Variants in HERC5 observed in about 807,000 individuals in gnomAD.
The protein encoded by HERC5 is HECT and RLD domain containing E3 ubiquitin protein ligase 5, also known as E3 ISG15--protein ligase HERC5.
In HERC5, 99 loss-of-function variants were observed where a neutral mutation model predicts 119.6. The observed-to-expected ratio is 0.83, with a 90% CI of 0.70 to 0.98. The LOEUF is 0.98. HERC5 is among the 50% of genes least tolerant of loss of function. HERC5 has a pLI of 0.00. For missense variants in HERC5, 1,267 were observed against 1,241.3 expected, an observed-to-expected ratio of 1.02 and a Z score of -0.31; for synonymous variants, 478 against 445.9, an observed-to-expected ratio of 1.07 and a Z score of -0.91.
At position 88,504,267 on chromosome 4, in the gene HERC5, TCAA is replaced by T; in HGVS notation, c.2620_2622del (p.Asn874del). ...GTTTCTAAGTATATCAATTACATTT[TCAA>T]CGACTCTGTAAAGGCGGTTTATGAA... On this transcript the variant is annotated inframe_deletion, in exon 21 of 23. Coordinates refer to ENST00000264350, the MANE Select transcript of HERC5 (RefSeq NM_016323.4). The T allele has an allele frequency of 1.2e-6, 2 of 1,604,786 alleles. No individual in the cohort carries two copies. Among genetic ancestry groups the T allele is most frequent in the Non-Finnish European group, 1.7e-6 (2 of 1,172,970 alleles).
chr4:88,486,093 C>G, intron 13 of HERC5, 22 bp from the exon 14 acceptor site: 1 of 1,476,186 alleles, frequency 6.8e-7, no homozygotes, highest in Non-Finnish European at 9.3e-7. Flanking sequence ...AAAACTTTTT[C>G]ACAAGTCATA....
At position 88,504,502 on chromosome 4, in the gene HERC5, G is replaced by A. The variant is rs747644216; in HGVS notation, c.2774G>A (p.Arg925His). Residue 925 changes from arginine to histidine, a missense_variant, in exon 22 of 23, where the codon CGT becomes CAT. Coordinates refer to ENST00000264350, the MANE Select transcript of HERC5 (RefSeq NM_016323.4). ...YDWKTFEKNA[R>H]YEPGYNSSHP... The stretch of plus-strand genomic sequence containing the variant: ...TTTTTGTATTTTCTCTAGAATGCAC[G>A]TTATGAACCAGGATATAACAGTTCA... 7.6e-6 allele frequency: 12 copies of A among 1,574,700 alleles called. No homozygotes were observed. Among genetic ancestry groups the A allele is most frequent in the Admixed American group, 1.9e-5 (1 of 53,364 alleles).
At chr4:88,460,307 C>A in intron 3 of HERC5, 136 bp downstream of exon 3, 1 of 461,472 alleles carries the variant, frequency 2.2e-6, no homozygotes. Flanking sequence ...GAGTACGATT[C>A]TTAAAGTAAA....
At chr4:88,466,003 A>G (rs1378140118) in intron 6 of HERC5, among the ~76,000 whole-genome samples, 1 of 151,920 alleles carries the variant, frequency 6.6e-6, no homozygotes, top group Non-Finnish European at 1.5e-5. Flanking sequence ...TTTTGGAGAC[A>G]GGGTACAGGA....
intron 22 of HERC5, among the ~76,000 whole-genome samples, chr4:88,505,206 C>A (rs1396449225): frequency 1.3e-5 from 2 of 152,218 alleles, no homozygotes; most frequent in African/African-American, 4.8e-5. Context: ...CTTCCCACCT[C>A]CAGGCCTTTC....
intron 20 of HERC5, among the ~76,000 whole-genome samples, chr4:88,503,456 G>T (rs568224922): frequency 5.3e-5 from 8 of 152,138 alleles, no homozygotes; most frequent in African/African-American, 1.9e-4. Flanking sequence ...TTTTTTGTCT[G>T]CTTTTCTGTT....
chr4:88,504,534 A>C lies in HERC5; in HGVS notation c.2806A>C (p.Thr936Pro). 6.3e-7 allele frequency: 1 copy of C among 1,577,956 alleles called. No homozygotes were observed. Among genetic ancestry groups the C allele is most frequent in the Non-Finnish European group, 8.6e-7 (1 of 1,165,802 alleles). Residue 936 changes from threonine to proline, a missense_variant, in exon 22 of 23, where the codon ACC (threonine) becomes CCC (proline). Thr to Pro is a conservative substitution (Grantham distance 38). This residue lies in a region of HERC5 where 473 missense variants were observed against 445.7 expected (regional missense o/e 1.06). Coordinates refer to ENST00000264350, the MANE Select transcript of HERC5 (RefSeq NM_016323.4). Reference sequence around the variant, plus strand: ...ACCAGGATATAACAGTTCACATCCCACCATAGTGATGTTTTGGAAGGCTTT... The same window carrying C: ...ACCAGGATATAACAGTTCACATCCCCCCATAGTGATGTTTTGGAAGGCTTT... Reference protein sequence around the residue: ...YEPGYNSSHPTIVMFWKAFHK... With the variant: ...YEPGYNSSHPPIVMFWKAFHK...
At chr4:88,481,313 A>G (rs917838449) in intron 13 of HERC5, among the ~76,000 whole-genome samples, 4 of 152,194 alleles carry the variant, frequency 2.6e-5, no homozygotes, top group Non-Finnish European at 5.9e-5. Flanking sequence ...TCAGTCTCCC[A>G]AAGTCCTGGT....
rs749754680 is a variant in HERC5 at position 88,493,155 on chromosome 4, G to A, written c.2277G>A (p.Lys759=). Residue 759 remains lysine, a splice_region_variant and synonymous_variant, in exon 17 of 23, where the codon AAG becomes AAA. Coordinates refer to ENST00000264350, the MANE Select transcript of HERC5 (RefSeq NM_016323.4). ...EGASCMWFPV[K]PKFEKKRYFF... ...CTTCCTGCATGTGGTTTCCTGTCAA[G>A]GTAAGTTCCCTCTTCTTTGCTTAAG... 4.3e-6 allele frequency: 7 copies of A among 1,613,410 alleles called. No individual in the cohort carries two copies. The Admixed American group carries it at 8.3e-5, about 19-fold the overall frequency.
At position 88,504,355 on chromosome 4, in the gene HERC5, C is replaced by G; in HGVS notation, c.2706C>G (p.Pro902=). 6.2e-7 allele frequency: 1 copy of G among 1,611,614 alleles called. No homozygotes were observed. Residue 902 remains proline, a synonymous_variant, in exon 21 of 23, where the codon CCC becomes CCG. Coordinates refer to ENST00000264350, the MANE Select transcript of HERC5 (RefSeq NM_016323.4). ...CDEDIIKLFH[P]EELKDVIVGN... ...AAGACATTATCAAATTATTCCACCC[C>G]GAAGAACTGAAGGATGTGATTGTTG...
At position 88,457,506 on chromosome 4, in the gene HERC5, C is replaced by G; in HGVS notation, c.237C>G (p.Leu79=). 3 of 1,288,974 alleles carry G rather than the reference C, an allele frequency of 2.3e-6. No individual in the cohort carries two copies. The highest frequency in any genetic ancestry group is 2.9e-6 in the Non-Finnish European group (3 of 1,018,516). The allele number at this position is 1,288,974 out of a possible 1,614,324, so 79.8% of individuals were successfully genotyped here. A position where few individuals can be genotyped will look rare whatever the true frequency, so the allele number is the denominator to read the frequency against. The change falls in exon 1 of 23, where the codon CTC becomes CTG. Residue 79 remains leucine (L), a synonymous_variant. Transcript: ENST00000264350. ...CGGGCGTCCAGGTTCACCAGCTGCT[C>G]GCCGGGAGCGGCGGCGCCCGGACGC... The part of the protein sequence containing the change: ...GGAGVQVHQL[L]AGSGGARTPK...
intron 4 of HERC5, 136 bp downstream of exon 4, chr4:88,462,492 G>A: frequency 4.1e-6 from 3 of 724,930 alleles, no homozygotes; most frequent in Non-Finnish European, 7.0e-6. Context: ...TCTGTCTTCA[G>A]GGCAGAATCA....
chr4:88,475,108 G>A (rs1015310738), intron 11 of HERC5, among the ~76,000 whole-genome samples: 3 of 149,086 alleles, frequency 2.0e-5, no homozygotes, highest in Non-Finnish European at 3.0e-5. Context: ...TGAAATTTTC[G>A]GATTTTGTCT....
At chr4:88,479,028 A>G (rs191116465) in intron 12 of HERC5, among the ~76,000 whole-genome samples, 21 of 152,160 alleles carry the variant, frequency 1.4e-4, no homozygotes, top group African/African-American at 4.8e-4. Flanking sequence ...GCTCATGCCT[A>G]CAATCCCAGC....
At chr4:88,478,346 C>A (rs1011259613) in intron 12 of HERC5, among the ~76,000 whole-genome samples, 1 of 152,062 alleles carries the variant, frequency 6.6e-6, no homozygotes, top group African/African-American at 2.4e-5. Context: ...CTTCAACAAT[C>A]TAAGTAAAAT....
Position 88,494,295 on chromosome 4 carries a change from T to C in HERC5, c.2408T>C (p.Leu803Ser). ...AAACTTTTGGACCAAATGCCATCAT[T>C]GGAAGACTTGAAAGAACTCAGTCCT... is the stretch of plus-strand genomic sequence containing the variant. ...FKKLLDQMPS[L>S]EDLKELSPDL... The change falls in exon 18 of 23, where the codon TTG becomes TCG. Residue 803 changes from leucine (L) to serine (S), a missense_variant. Physicochemically the swap from Leu to Ser is moderately radical, Grantham distance 145. This residue lies in a region of HERC5 where 473 missense variants were observed against 445.7 expected (regional missense o/e 1.06). Coordinates refer to ENST00000264350, the MANE Select transcript of HERC5 (RefSeq NM_016323.4). 1 of 1,613,440 alleles carries C rather than the reference T, an allele frequency of 6.2e-7. No individual in the cohort carries two copies. The highest frequency in any genetic ancestry group is 8.5e-7 in the Non-Finnish European group (1 of 1,179,804).
chr4:88,502,526 G>T (rs180974960), intron 20 of HERC5, among the ~76,000 whole-genome samples: 1 of 152,182 alleles, frequency 6.6e-6, no homozygotes, highest in Non-Finnish European at 1.5e-5. Flanking sequence ...GCAGCCATCA[G>T]TGGGTGCCCA....
intron 20 of HERC5, among the ~76,000 whole-genome samples, chr4:88,502,160 C>G (rs530356937): frequency 2.0e-5 from 3 of 152,106 alleles, no homozygotes; most frequent in Non-Finnish European, 4.4e-5. Flanking sequence ...GAATAATGCT[C>G]TTGTGAACAT....
chr4:88,479,597 G>T (rs756595934), intron 13 of HERC5, 90 bp downstream of exon 13: 221 of 1,055,424 alleles, frequency 2.1e-4, no homozygotes, highest in Non-Finnish European at 2.7e-4. Context: ...GTAGACTCGT[G>T]TGAGACATAC....
Sources: gnomAD v4.1 joint callset for allele counts (sites outside exome capture counted in the v4.1 genomes callset) on GRCh38, gnomAD v4.1.1 for gene constraint, gnomAD v4.1.1 regional missense constraint, MANE v1.5 for transcripts, NCBI Gene and HGNC (gene_info 2026-07-23, HGNC 2026-07-21) for gene names.